The following ACE variants were observed in gnomAD, a reference collection of about 807,000 sequenced individuals.
The protein encoded by ACE is angiotensin-converting enzyme.
ACE carries 122 observed loss-of-function variants against 162.3 expected under a neutral mutation model. The observed-to-expected ratio is 0.75, with a 90% confidence interval of 0.65 to 0.87. ACE has a LOEUF of 0.87. Among genes scored for constraint, ACE ranks in the 40% least tolerant of loss-of-function variants. ACE has a pLI of 0.00. For missense variants in ACE, 1,799 were observed against 1,735.1 expected, an observed-to-expected ratio of 1.04 and a Z score of -0.65; for synonymous variants, 796 against 720.6, an observed-to-expected ratio of 1.10 and a Z score of -1.68.
chr17:63,477,866 T>C lies in ACE; in HGVS notation c.250-65T>C, dbSNP rs756640411. 7 of 1,553,220 alleles carry C rather than the reference T, an allele frequency of 4.5e-6. No homozygotes were observed. The East Asian group carries it at 1.2e-4, about 27-fold the overall frequency. ...TCCTCCCCTCCCCCAGCACCGTGGC[T>C]TCTCCTTTATGGCCTGCATCTAAGC... On this transcript the variant is annotated intron_variant, in intron 1 of 24. Coordinates refer to ENST00000290866, the MANE Select transcript of ACE (RefSeq NM_000789.4).
In ACE at chr17:63,481,592, G is replaced by A. The variant is rs2049710748; in HGVS notation, c.972G>A (p.Arg324=). The A allele has an allele frequency of 6.2e-7, 1 of 1,614,012 alleles. No individual in the cohort carries two copies. Among genetic ancestry groups the A allele is most frequent in the Middle Eastern group, 1.6e-4 (1 of 6,062 alleles). The part of the protein sequence containing the change: ...QQGWNATHMF[R]VAEEFFTSLE... ...GCTGGAACGCCACGCACATGTTCCG[G>A]GTGGCAGAGGAGTTCTTCACCTCCC... is the stretch of plus-strand genomic sequence containing the variant. Residue 324 remains arginine, a synonymous_variant, in exon 7 of 25, where the codon CGG becomes CGA. Transcript: ENST00000290866.
Position 63,481,559 on chromosome 17 carries a change from C to A in ACE, c.946-7C>A, listed in dbSNP as rs1599140390. ...CCCCCTGACCTGGCTCCACACCCCT[C>A]CTCCAGGGCTGGAACGCCACGCACA... On this transcript the variant is annotated splice_region_variant and splice_polypyrimidine_tract_variant and intron_variant, in intron 6 of 24. Transcript: ENST00000290866. 1 of 1,613,694 alleles carries A rather than the reference C, an allele frequency of 6.2e-7. No individual in the cohort carries two copies.
chr17:63,477,238 C>A lies in ACE; in HGVS notation c.144C>A (p.Leu48=). The part of the protein sequence containing the change: ...NFSADEAGAQ[L]FAQSYNSSAE... ...CTGCTGACGAGGCCGGGGCGCAGCTCTTCGCGCAGAGCTACAACTCCAGCG... is the reference window on the plus strand; with the variant it reads ...CTGCTGACGAGGCCGGGGCGCAGCTATTCGCGCAGAGCTACAACTCCAGCG... Residue 48 remains leucine (L), a synonymous_variant, in exon 1 of 25, where the codon CTC becomes CTA. Transcript: ENST00000290866. 1 of 1,504,684 alleles carries A rather than the reference C, an allele frequency of 6.6e-7. No individual in the cohort carries two copies. The allele number at this position is 1,504,684 out of a possible 1,614,324, so 93.2% of individuals were successfully genotyped here.
Position 63,484,621 on chromosome 17 carries a change from C to A in ACE, c.1921+80C>A. The A allele has an allele frequency of 2.0e-6, 3 of 1,498,256 alleles. No individual in the cohort carries two copies. In the South Asian group the frequency reaches 3.9e-5, roughly 19 times the overall value. The allele number at this position is 1,498,256 out of a possible 1,614,324, so 92.8% of individuals were successfully genotyped here. On this transcript the variant is annotated intron_variant, in intron 12 of 24. Coordinates refer to ENST00000290866, the MANE Select transcript of ACE (RefSeq NM_000789.4). The surrounding 1 kb of genome is among the most constrained non-coding windows in gnomAD (Gnocchi z 4.0). ...TTGGCCCAGGCCCCAGGTTCCTGGT[C>A]AGCTCCTACCAGCTGAGCCCTGGTA...
In ACE at chr17:63,493,580, G is replaced by A. The variant is rs752593254; in HGVS notation, c.3057G>A (p.Gly1019=). 4 of 1,614,184 alleles carry A rather than the reference G, an allele frequency of 2.5e-6. No individual in the cohort carries two copies. In the South Asian group the frequency reaches 4.4e-5, roughly 18 times the overall value. The change falls in exon 20 of 25, where the codon GGG becomes GGA. Residue 1019 remains glycine, a synonymous_variant. Coordinates refer to ENST00000290866, the MANE Select transcript of ACE (RefSeq NM_000789.4). The stretch of plus-strand genomic sequence containing the variant: ...ACCCCGGCTTCCATGAGGCCATTGG[G>A]GACGTGCTAGCCCTCTCAGTGTCTA... ...GANPGFHEAI[G]DVLALSVSTP...
intron 14 of ACE, 58 bp downstream of exon 14, chr17:63,486,773 G>T: frequency 6.2e-7 from 1 of 1,609,314 alleles, no homozygotes; most frequent in South Asian, 1.1e-5. Context: ...GCCCAACACA[G>T]GGTCTGGCCT....
At position 63,477,236 on chromosome 17, in the gene ACE, C is replaced by A; in HGVS notation, c.142C>A (p.Leu48Ile). The A allele has an allele frequency of 6.6e-7, 1 of 1,504,348 alleles. No homozygotes were observed. The highest frequency in any genetic ancestry group is 8.8e-7 in the Non-Finnish European group (1 of 1,129,956). 93.2% of individuals were successfully genotyped at this position (1,504,348 alleles called of 1,614,324 possible). ...NFSADEAGAQ[L>I]FAQSYNSSAE... is the part of the protein sequence containing the mutation. ...TTCTGCTGACGAGGCCGGGGCGCAGCTCTTCGCGCAGAGCTACAACTCCAG... is the reference window on the plus strand; with the variant it reads ...TTCTGCTGACGAGGCCGGGGCGCAGATCTTCGCGCAGAGCTACAACTCCAG... Residue 48 changes from leucine to isoleucine, a missense_variant, in exon 1 of 25, where the codon CTC becomes ATC. Coordinates refer to ENST00000290866, the MANE Select transcript of ACE (RefSeq NM_000789.4).
In ACE at chr17:63,488,670, G is replaced by A. The variant is rs4343; in HGVS notation, c.2328G>A (p.Thr776=). 807,435 of 1,608,750 alleles carry A rather than the reference G, an allele frequency of 0.5. 207,727 individuals are homozygous for A. Among genetic ancestry groups the A allele is most frequent in the African/African-American group, 0.76 (56,049 of 74,120 alleles). ...CAGATCTGACGAATGTGATGGCCACGTCCCGGAAATATGAAGACCTGTTAT... is the reference window on the plus strand; with the variant it reads ...CAGATCTGACGAATGTGATGGCCACATCCCGGAAATATGAAGACCTGTTAT... ...LEPDLTNVMA[T]SRKYEDLLWA... The change falls in exon 16 of 25, where the codon ACG becomes ACA. Residue 776 remains threonine (T), a synonymous_variant. Coordinates refer to ENST00000290866, the MANE Select transcript of ACE (RefSeq NM_000789.4).
rs1599142001 is a variant in ACE, at chr17:63,483,141, T to C, written c.1455T>C (p.Pro485=). The change falls in exon 9 of 25, where the codon CCT becomes CCC. Residue 485 remains proline (P), a synonymous_variant. Transcript: ENST00000290866. ...GGGTCTTTAGTGGGCGTACCCCCCC[T>C]TCCCGCTACAACTTCGACTGGTGGT... ...RWGVFSGRTP[P]SRYNFDWWYL... is the part of the protein sequence containing the mutation. 6.2e-7 allele frequency: 1 copy of C among 1,614,024 alleles called. No individual in the cohort carries two copies.
At chr17:63,490,874 G>A in intron 17 of ACE, 80 bp from the exon 18 acceptor site, 2 of 1,308,840 alleles carry the variant, frequency 1.5e-6, no homozygotes, top group Non-Finnish European at 2.2e-6. Flanking sequence ...GGGATCTGGA[G>A]CGCTCTTCCT....
rs374093911 is a variant in ACE, at chr17:63,485,035, G to A, written c.1922-201G>A. On this transcript the variant is annotated intron_variant, in intron 12 of 24. Transcript: ENST00000290866. ...GCAGCCAGACAACCACCCACCAGGC[G>A]ACGGCCCACCAGACATCAGCCCAGA... The A allele has an allele frequency of 1.6e-5, 26 of 1,610,476 alleles. 1 individual carries two copies. Among genetic ancestry groups the A allele is most frequent in the Middle Eastern group, 1.6e-4 (1 of 6,084 alleles).
rs370847170 is a variant in ACE at position 63,491,274 on chromosome 17, C to T, written c.2805C>T (p.Pro935=). 22 of 1,613,988 alleles carry T rather than the reference C, an allele frequency of 1.4e-5. No individual in the cohort carries two copies. In the South Asian group the frequency reaches 1.9e-4, roughly 14 times the overall value. Residue 935 remains proline, a synonymous_variant, in exon 19 of 25, where the codon CCC becomes CCT. Coordinates refer to ENST00000290866, the MANE Select transcript of ACE (RefSeq NM_000789.4). The surrounding 1 kb of genome is among the most constrained non-coding windows in gnomAD (Gnocchi z 4.4). The part of the protein sequence containing the change: ...DDFFTSLGLL[P]VPPEFWNKSM... ...TCTTCACCTCCCTGGGGCTGCTGCC[C>T]GTGCCTCCTGAGTTCTGGAACAAGT...
In ACE at chr17:63,491,400, C is replaced by T. The variant is rs759876928; in HGVS notation, c.2912+19C>T. 2 of 1,613,958 alleles carry T rather than the reference C, an allele frequency of 1.2e-6. No homozygotes were observed. The highest frequency in any genetic ancestry group is 1.7e-5 in the Admixed American group (1 of 60,024). On this transcript the variant is annotated intron_variant, in intron 19 of 24. Coordinates refer to ENST00000290866, the MANE Select transcript of ACE (RefSeq NM_000789.4). The surrounding 1 kb of genome is among the most constrained non-coding windows in gnomAD (Gnocchi z 4.4). The stretch of plus-strand genomic sequence containing the variant: ...ACTTCCGGTACATCCAGCTAGGGCT[C>T]AGGTCTCGTTCCTGAGCCCCACGGG...
In ACE at chr17:63,478,987, C is replaced by A. The variant is rs973928230; in HGVS notation, c.418-20C>A. 1.2e-6 allele frequency: 2 copies of A among 1,605,896 alleles called. No individual in the cohort carries two copies. The highest frequency in any genetic ancestry group is 2.2e-5 in the East Asian group (1 of 44,714). On this transcript the variant is annotated intron_variant, in intron 2 of 24. Coordinates refer to ENST00000290866, the MANE Select transcript of ACE (RefSeq NM_000789.4). ...CCCAGGGGCTGGTCACTGGAGCATT[C>A]CTCCCCTCTGACTCCCCAGTACAAC...
rs1232996837 is a variant in ACE at position 63,477,075 on chromosome 17, C to G, written c.-20C>G. On this transcript the variant is annotated 5_prime_UTR_variant, in exon 1 of 25. Coordinates refer to ENST00000290866, the MANE Select transcript of ACE (RefSeq NM_000789.4). ...CGCGGCGCAGGAGAAGGGGCAGAGC[C>G]GAGCACCGCGCACCGCGTCATGGGG... is the stretch of plus-strand genomic sequence containing the variant. The G allele has an allele frequency of 1.1e-5, 14 of 1,296,574 alleles. No homozygotes were observed. The South Asian group carries it at 1.7e-4, about 15-fold the overall frequency. 80.3% of individuals were successfully genotyped at this position (1,296,574 alleles called of 1,614,324 possible). A position where few individuals can be genotyped will look rare whatever the true frequency, so the allele number is the denominator to read the frequency against.
chr17:63,497,079 G>A (rs376188418), intron 24 of ACE, 58 bp from the exon 25 acceptor site: 24 of 1,518,222 alleles, frequency 1.6e-5, no homozygotes, highest in African/African-American at 2.8e-5. Flanking sequence ...GCCCTGCCCC[G>A]CACCCTTGCC....
intron 10 of ACE, 34 bp from the exon 11 acceptor site, chr17:63,483,815 A>G (rs2029861336): frequency 1.9e-6 from 3 of 1,613,604 alleles, no homozygotes; most frequent in Non-Finnish European, 2.5e-6. Flanking sequence ...CTGGCCCCCC[A>G]TGATCTTCCC....
chr17:63,488,543 T>TTTTTTTTTTTTTTAGACGG, intron 15 of ACE, 105 bp from the exon 16 acceptor site: 1 of 1,253,716 alleles, frequency 8.0e-7, no homozygotes, highest in South Asian at 1.2e-5. Flanking sequence ...CAGTCACTTT[T>TTTTTTTTTTTTTTAGACGG]ATGTGGTTTC....
At chr17:63,487,161 T>G (rs4333) in intron 15 of ACE, 88 bp downstream of exon 15, 54 of 1,153,496 alleles carry the variant, frequency 4.7e-5, no homozygotes, top group Non-Finnish European at 6.5e-5. Flanking sequence ...CAGAGTTGGG[T>G]TCCCCTCGCT....
Sources: gnomAD v4.1 joint callset for allele counts on GRCh38, gnomAD v4.1.1 for gene constraint, Gnocchi (gnomAD v3.1) non-coding constraint, MANE v1.5 for transcripts, NCBI Gene and HGNC (gene_info 2026-07-23, HGNC 2026-07-21) for gene names.